DENND2B: variants seen among roughly 807,000 people sequenced by gnomAD.
DENND2B encodes DENN domain containing 2B, also known as DENN domain-containing protein 2B.
Under a neutral mutation model 116.0 loss-of-function variants are expected in DENND2B, and 32 were observed. The ratio of observed to expected loss-of-function variants is 0.28; its 90% confidence interval spans 0.21 to 0.37. DENND2B has a LOEUF of 0.37. Among genes scored for constraint, DENND2B ranks in the 10% least tolerant of loss-of-function variants. The pLI is 1.00. For synonymous variants in DENND2B, 588 were observed against 583.9 expected, an observed-to-expected ratio of 1.01 and a Z score of -0.10; for missense variants, 1,276 against 1,477.7, an observed-to-expected ratio of 0.86 and a Z score of 2.24.
chr11:8,726,088 A>G lies in DENND2B; in HGVS notation c.1462T>C (p.Tyr488His). 6.2e-7 allele frequency: 1 copy of G among 1,614,058 alleles called. No homozygotes were observed. ...CATTGCTTACCCACAATATCTTCAT[A>G]GGCATTTTCTTCTAAAGTGCTTTTG... ...GSKSTLEENA[Y>H]EDIVGDLPKE... Residue 488 changes from tyrosine to histidine, a missense_variant, in exon 4 of 20, where the codon TAT becomes CAT. This residue lies in a region of DENND2B where 856 missense variants were observed against 846.6 expected (regional missense o/e 1.01). Transcript: ENST00000313726.
intron 3 of DENND2B, among the ~76,000 whole-genome samples, chr11:8,856,066 G>A (rs1279451318): frequency 1.3e-5 from 2 of 152,196 alleles, no homozygotes; most frequent in African/African-American, 2.4e-5. Flanking sequence ...AAGTGAACAG[G>A]CTGAACCAAC....
intron 2 of DENND2B, among the ~76,000 whole-genome samples, chr11:8,740,751 G>T (rs182511915): frequency 1.3e-5 from 2 of 152,062 alleles, no homozygotes; most frequent in African/African-American, 4.8e-5. Context: ...GAAGGTGGCC[G>T]GCCATTCAGC....
chr11:8,859,789 A>G (rs191110311), intron 2 of DENND2B, among the ~76,000 whole-genome samples: 134 of 152,302 alleles, frequency 8.8e-4, no homozygotes, highest in Non-Finnish European at 8.8e-5. Context: ...CCATCTTGGC[A>G]GAGACAGGCA....
intron 4 of DENND2B, among the ~76,000 whole-genome samples, chr11:8,724,194 G>C (rs1460742778): frequency 6.6e-6 from 1 of 152,126 alleles, no homozygotes; most frequent in East Asian, 1.9e-4. Flanking sequence ...TGCTGGGAAG[G>C]CTGAGGCAGA....
At chr11:8,807,744 C>T (rs905825102) in intron 1 of DENND2B, 3 of 152,222 alleles carry the variant, frequency 2.0e-5, no homozygotes, top group Non-Finnish European at 4.4e-5. Context: ...CAGCTGCAGC[C>T]CCAATCTAAG....
At chr11:8,803,488 G>C (rs1014431270) in intron 1 of DENND2B, among the ~76,000 whole-genome samples, 2 of 152,174 alleles carry the variant, frequency 1.3e-5, no homozygotes, top group African/African-American at 4.8e-5. Context: ...ACTTCCCCAA[G>C]ATCACCCAGC....
chr11:8,752,179 G>C lies in DENND2B; in HGVS notation c.-25-1454C>G, dbSNP rs528048121. ...AAAATTAAGCAAGGTTGAGCCGGGC[G>C]TGGTGGCTCACGCCTGTAATCCCAG... is the stretch of plus-strand genomic sequence containing the variant. On this transcript the variant is annotated intron_variant, in intron 1 of 19. Transcript: ENST00000313726. Among the ~76,000 whole-genome samples the C allele has an allele frequency of 4.6e-5, 7 of 152,336 alleles. 1 individual carries two copies. The highest frequency in any genetic ancestry group is 1.7e-4 in the African/African-American group (7 of 41,586).
At chr11:8,731,300 C>T in intron 2 of DENND2B, 91 bp from the exon 3 acceptor site, 2 of 1,256,060 alleles carry the variant, frequency 1.6e-6, no homozygotes, top group Non-Finnish European at 2.1e-6. Flanking sequence ...TTACAGAACT[C>T]AGCATCTTTT....
intron 2 of DENND2B, among the ~76,000 whole-genome samples, chr11:8,865,531 G>A (rs2063545320): frequency 6.6e-6 from 1 of 152,000 alleles, no homozygotes; most frequent in Non-Finnish European, 1.5e-5. Context: ...GGGAAGGAAA[G>A]GATGGGTACA....
intron 1 of DENND2B, among the ~76,000 whole-genome samples, chr11:8,886,972 G>A (rs2134736440): frequency 6.6e-6 from 1 of 152,188 alleles, no homozygotes; most frequent in East Asian, 1.9e-4. Flanking sequence ...GGGACTACAG[G>A]CATGTGCCAC....
chr11:8,841,364 C>G (rs1472393373), intron 3 of DENND2B, among the ~76,000 whole-genome samples: 1 of 152,064 alleles, frequency 6.6e-6, no homozygotes, highest in Non-Finnish European at 1.5e-5. Flanking sequence ...TTTTGTGAAG[C>G]CAGGTGCCTC....
intron 1 of DENND2B, among the ~76,000 whole-genome samples, chr11:8,784,837 C>CA (rs112292066): frequency 0.3 from 38,344 of 128,224 alleles, 5,702 homozygotes; most frequent in East Asian, 0.46. Context: ...GACTCCTTCT[C>CA]AAAAAAAAAA....
At chr11:8,875,935 C>T (rs374471432), upstream of DENND2B, among the ~76,000 whole-genome samples, 31 of 151,942 alleles carry the variant, frequency 2.0e-4, no homozygotes, top group South Asian at 4.2e-3. Flanking sequence ...TTTTCAGTTT[C>T]GGTACAGTAT....
intron 1 of DENND2B, among the ~76,000 whole-genome samples, chr11:8,901,365 G>A (rs1409083574): frequency 6.6e-6 from 1 of 151,306 alleles, no homozygotes; most frequent in Non-Finnish European, 1.5e-5. Flanking sequence ...GAGTAGCTGG[G>A]ATTACAGGTG....
At chr11:8,849,822 C>CAA (rs10646471) in intron 3 of DENND2B, among the ~76,000 whole-genome samples, 5,370 of 140,632 alleles carry the variant, frequency 0.038, 432 homozygotes, top group African/African-American at 0.14. Context: ...GTCTCCATCT[C>CAA]AAAAAAAAAA....
chr11:8,822,473 A>C (rs915188162), intron 4 of DENND2B, among the ~76,000 whole-genome samples: 1 of 152,240 alleles, frequency 6.6e-6, no homozygotes, highest in Non-Finnish European at 1.5e-5. Context: ...CTGAACGTTT[A>C]GCAACATTTT....
chr11:8,836,191 CAAAAAA>C (rs56816794), intron 4 of DENND2B, among the ~76,000 whole-genome samples: 2 of 133,056 alleles, frequency 1.5e-5, no homozygotes, highest in Admixed American at 1.6e-4. Context: ...ACTAAAAATA[CAAAAAA>C]AAAAAAAAAA....
intron 2 of DENND2B, among the ~76,000 whole-genome samples, chr11:8,863,238 T>C (rs902774154): frequency 1.3e-5 from 2 of 150,348 alleles, no homozygotes; most frequent in African/African-American, 4.9e-5. Flanking sequence ...CCACGCCCCA[T>C]GACTCTTAAC....
intron 1 of DENND2B, among the ~76,000 whole-genome samples, chr11:8,789,145 T>C (rs769837795): frequency 9.2e-5 from 14 of 152,220 alleles, no homozygotes; most frequent in Non-Finnish European, 2.1e-4. Flanking sequence ...GTATGATGCC[T>C]GGAGTTTGCT....
Sources: allele counts gnomAD v4.1 joint callset (sites outside exome capture counted in the v4.1 genomes callset), GRCh38; gene constraint gnomAD v4.1.1; regional missense constraint gnomAD v4.1.1; transcripts MANE v1.5; gene names NCBI Gene and HGNC (gene_info 2026-07-23, HGNC 2026-07-21).